Variants in HCRTR2 observed in about 807,000 individuals in gnomAD.
The protein encoded by HCRTR2 is hypocretin receptor 2, also known as orexin receptor type 2.
Under a neutral mutation model 49.0 loss-of-function variants are expected in HCRTR2, and 22 were observed. That is an observed-to-expected ratio of 0.45 (90% CI 0.32 to 0.64). The LOEUF is 0.64. Ranked by LOEUF, HCRTR2 falls within the 30% of genes least tolerant of loss-of-function variation. The probability of loss-of-function intolerance (pLI) is 0.04; values close to 1 mark genes in which losing one functional copy is unlikely to be tolerated. For synonymous variants in HCRTR2, 236 were observed against 205.3 expected, an observed-to-expected ratio of 1.15 and a Z score of -1.28; for missense variants, 491 against 559.4, an observed-to-expected ratio of 0.88 and a Z score of 1.23.
intron 1 of HCRTR2, among the ~76,000 whole-genome samples, chr6:55,212,349 G>T (rs1236869057): frequency 1.3e-5 from 2 of 152,054 alleles, no homozygotes; most frequent in African/African-American, 2.4e-5. Context: ...TCCCAACTTT[G>T]TTCAAGTAGT....
At chr6:55,234,550 T>C (rs1173323415) in intron 1 of HCRTR2, among the ~76,000 whole-genome samples, 3 of 152,124 alleles carry the variant, frequency 2.0e-5, no homozygotes, top group African/African-American at 7.2e-5. Context: ...AATTGACCCA[T>C]AAATGTGGAT....
chr6:55,279,505 A>T (rs148564854), intron 5 of HCRTR2, among the ~76,000 whole-genome samples: 1,728 of 123,598 alleles, frequency 0.014, 32 homozygotes, highest in African/African-American at 0.052. Context: ...CATTGTTGTC[A>T]TGCCTTCTTG....
intron 1 of HCRTR2, among the ~76,000 whole-genome samples, chr6:55,155,170 T>C (rs1163673146): frequency 6.6e-6 from 1 of 151,410 alleles, no homozygotes; most frequent in Non-Finnish European, 1.5e-5. Flanking sequence ...GTAGAGTCAA[T>C]GCAATCCCTA....
chr6:55,132,699 A>T (rs756905775), intron 1 of HCRTR2, among the ~76,000 whole-genome samples: 1 of 151,206 alleles, frequency 6.6e-6, no homozygotes, highest in Non-Finnish European at 1.5e-5. Context: ...GGAATGGGAC[A>T]GTGGAGCCCT....
At chr6:55,273,953 G>A (rs1767023820) in intron 4 of HCRTR2, among the ~76,000 whole-genome samples, 1 of 151,226 alleles carries the variant, frequency 6.6e-6, no homozygotes, top group Non-Finnish European at 1.5e-5. Flanking sequence ...CTTGAAATGA[G>A]TTTTTATAAG....
At chr6:55,151,973 G>A (rs1764670057) in intron 1 of HCRTR2, among the ~76,000 whole-genome samples, 1 of 151,840 alleles carries the variant, frequency 6.6e-6, no homozygotes, top group Admixed American at 6.6e-5. Flanking sequence ...TTTCTAAACA[G>A]TAAGTCTCAA....
At chr6:55,175,566 GT>G (rs1765025498) in intron 1 of HCRTR2, among the ~76,000 whole-genome samples, 1 of 151,766 alleles carries the variant, frequency 6.6e-6, no homozygotes, top group Non-Finnish European at 1.5e-5. Flanking sequence ...CATGTCAACT[GT>G]TTGTTGTTGT....
intron 5 of HCRTR2, among the ~76,000 whole-genome samples, chr6:55,277,819 A>G (rs746963515): frequency 1.3e-5 from 2 of 152,186 alleles, no homozygotes; most frequent in Admixed American, 1.3e-4. Context: ...TCTCAGTTGC[A>G]TGGCAGACAT....
rs1581855424 is a variant in HCRTR2 at position 55,248,142 on chromosome 6, A to G, written c.224-497A>G. 2.0e-5 allele frequency among the ~76,000 whole-genome samples: 3 copies of G among 152,162 alleles called. No individual in the cohort carries two copies. The South Asian group carries it at 6.2e-4, about 31-fold the overall frequency. ...GAACCATCTAGCTCGGTATTTGGCA[A>G]TGGTAGGAGCTGAATAATTGTTAGC... On this transcript the variant is annotated intron_variant, in intron 1 of 6. Transcript: ENST00000370862.
chr6:55,133,616 A>G (rs905259624), intron 1 of HCRTR2, among the ~76,000 whole-genome samples: 1 of 151,794 alleles, frequency 6.6e-6, no homozygotes, highest in African/African-American at 2.4e-5. Context: ...CGTTCTAAGA[A>G]CGAAGACATA....
chr6:55,199,951 T>C (rs1255073141), intron 1 of HCRTR2, among the ~76,000 whole-genome samples: 1 of 152,212 alleles, frequency 6.6e-6, no homozygotes. Context: ...ATCCACCTCT[T>C]GTACAATGAA....
At chr6:55,225,743 C>A (rs1765991814) in intron 1 of HCRTR2, among the ~76,000 whole-genome samples, 1 of 152,102 alleles carries the variant, frequency 6.6e-6, no homozygotes, top group Admixed American at 6.5e-5. Context: ...TTTAAAATTA[C>A]TGTAATCAAA....
rs199660644 is a variant in HCRTR2 at position 55,263,803 on chromosome 6, G to T, written c.743G>T (p.Arg248Leu). The T allele has an allele frequency of 5.2e-5, 83 of 1,605,468 alleles. No homozygotes were observed. The highest frequency in any genetic ancestry group is 7.0e-5 in the Non-Finnish European group (82 of 1,172,954). ...LMVLAYLQIF[R>L]KLWCRQIPGT... ...GTGTTGGCTTATCTGCAAATATTTC[G>T]CAAACTCTGGTGTCGACAGGTATAT... is the stretch of plus-strand genomic sequence containing the variant. Residue 248 changes from arginine (R) to leucine (L), a missense_variant, in exon 4 of 7, where the codon CGC becomes CTC. Arg to Leu is a moderately radical substitution (Grantham distance 102). Coordinates refer to ENST00000370862, the MANE Select transcript of HCRTR2 (RefSeq NM_001384272.1).
At chr6:55,162,151 G>T (rs1254015319) in intron 1 of HCRTR2, among the ~76,000 whole-genome samples, 1 of 152,152 alleles carries the variant, frequency 6.6e-6, no homozygotes, top group Non-Finnish European at 1.5e-5. Flanking sequence ...GATCAAGTTG[G>T]CTTCATACCT....
chr6:55,211,449 T>G (rs946581251), intron 1 of HCRTR2, among the ~76,000 whole-genome samples: 1 of 152,174 alleles, frequency 6.6e-6, no homozygotes, highest in African/African-American at 2.4e-5. Flanking sequence ...AAAGGCATAT[T>G]CTGTAAATAT....
chr6:55,174,418 G>A (rs559857626), upstream of HCRTR2: 4 of 669,908 alleles, frequency 6.0e-6, no homozygotes, highest in African/African-American at 5.4e-5. Flanking sequence ...CGCAGAAGTT[G>A]CCCGGCAGAA....
intron 1 of HCRTR2, among the ~76,000 whole-genome samples, chr6:55,115,957 T>C (rs929675134): frequency 1.3e-5 from 2 of 151,808 alleles, no homozygotes; most frequent in Non-Finnish European, 2.9e-5. Flanking sequence ...CATGCATATG[T>C]TTCCATAGAG....
chr6:55,143,906 G>A lies in HCRTR2; in HGVS notation c.-377-30305G>A, dbSNP rs1308551919. Reference sequence around the variant, plus strand: ...TTTAGGCAGCATTTAGTAATTATCAGCTTTTGCTCTCAATCTAGCCTTTTA... The same window carrying A: ...TTTAGGCAGCATTTAGTAATTATCAACTTTTGCTCTCAATCTAGCCTTTTA... On this transcript the variant is annotated intron_variant, in intron 1 of 7. Coordinates refer to the HCRTR2 transcript ENST00000615358. Among the ~76,000 whole-genome samples the A allele has an allele frequency of 2.0e-5, 3 of 152,082 alleles. No homozygotes were observed. In the East Asian group the frequency reaches 5.8e-4, roughly 29 times the overall value.
chr6:55,172,584 A>G (rs888640406), upstream of HCRTR2, among the ~76,000 whole-genome samples: 1 of 152,176 alleles, frequency 6.6e-6, no homozygotes, highest in Non-Finnish European at 1.5e-5. Context: ...AAAATGTGAT[A>G]TCTATACAAT....
Sources: allele counts gnomAD v4.1 joint callset (sites outside exome capture counted in the v4.1 genomes callset), GRCh38; gene constraint gnomAD v4.1.1; transcripts MANE v1.5; gene names NCBI Gene and HGNC (gene_info 2026-07-23, HGNC 2026-07-21).